The following CHRND variants were observed in gnomAD, a reference collection of about 807,000 sequenced individuals.
CHRND encodes the protein acetylcholine receptor subunit delta.
In CHRND, 40 loss-of-function variants were observed where a neutral mutation model predicts 57.8. The observed-to-expected ratio is 0.69, with a 90% CI of 0.54 to 0.90. The LOEUF is 0.90. Among genes scored for constraint, CHRND ranks in the 40% least tolerant of loss-of-function variants. CHRND has a pLI of 0.00. For missense variants in CHRND, 634 were observed against 673.9 expected (o/e 0.94, Z 0.66); for synonymous variants, 237 against 270.6 (o/e 0.88, Z 1.22).
chr2:232,526,695 G>A, intron 2 of CHRND, 21 bp downstream of exon 2: 2 of 1,612,136 alleles, frequency 1.2e-6, no homozygotes, highest in Non-Finnish European at 1.7e-6. Context: ...CTCCGGTGCT[G>A]GGTTGGGAGG....
At position 232,526,204 on chromosome 2, in the gene CHRND, C is replaced by T. The variant is rs990161041; in HGVS notation, c.-12C>T. 2 of 1,607,928 alleles carry T rather than the reference C, an allele frequency of 1.2e-6. No individual in the cohort carries two copies. The highest frequency in any genetic ancestry group is 1.7e-6 in the Non-Finnish European group (2 of 1,176,534). ...AGGAGGGGCAGATGCACGTCCCAGTCAGAGGGATGGGATGGAGGGGCCAGT... is the reference window on the plus strand; with the variant it reads ...AGGAGGGGCAGATGCACGTCCCAGTTAGAGGGATGGGATGGAGGGGCCAGT... On this transcript the variant is annotated 5_prime_UTR_variant, in exon 1 of 12. Transcript: ENST00000258385.
At chr2:232,528,678 C>T (rs369142209) in intron 5 of CHRND, 22 bp downstream of exon 5, 1 of 1,613,416 alleles carries the variant, frequency 6.2e-7, no homozygotes, top group Non-Finnish European at 8.5e-7. Context: ...TCTCCAGCCA[C>T]CCCTCACCCC....
chr2:232,531,775 C>G (rs1691708151), intron 9 of CHRND, 119 bp downstream of exon 9: 1 of 794,494 alleles, frequency 1.3e-6, no homozygotes, highest in Non-Finnish European at 2.1e-6. Context: ...ATAGAGACAC[C>G]CCTGTCTCTA....
chr2:232,529,896 C>T (rs763290546), intron 6 of CHRND, 43 bp from the exon 7 acceptor site: 2 of 1,605,986 alleles, frequency 1.2e-6, no homozygotes, highest in African/African-American at 1.3e-5. Context: ...GCCTAGCCCC[C>T]TTGGCCTGGC....
At chr2:232,531,864 T>C (rs1460283413) in intron 9 of CHRND, among the ~76,000 whole-genome samples, 2 of 146,436 alleles carry the variant, frequency 1.4e-5, no homozygotes, top group East Asian at 2.0e-4. Flanking sequence ...GGTGGATCAC[T>C]TGAGCCTGGG....
In CHRND at chr2:232,528,302, T is replaced by A. The variant is rs1691557570; in HGVS notation, c.284T>A (p.Phe95Tyr). 6.2e-7 allele frequency: 1 copy of A among 1,614,034 alleles called. No homozygotes were observed. Among genetic ancestry groups the A allele is most frequent in the South Asian group, 1.1e-5 (1 of 91,086 alleles). The change falls in exon 4 of 12, where the codon TTT (phenylalanine) becomes TAT (tyrosine). Residue 95 changes from phenylalanine (F) to tyrosine (Y), a missense_variant. By Grantham distance (22) the Phe-to-Tyr change is conservative. Transcript: ENST00000258385. ...DNRLKWNAEE[F>Y]GNISVLRLPP... ...CGGCTGAAGTGGAATGCTGAAGAAT[T>A]TGGAAACATCAGTGTCCTGCGCCTC... is the stretch of plus-strand genomic sequence containing the variant.
chr2:232,531,715 G>A, intron 9 of CHRND, 59 bp downstream of exon 9: 3 of 1,423,818 alleles, frequency 2.1e-6, no homozygotes, highest in Non-Finnish European at 2.9e-6. Context: ...TCAGGAGGCT[G>A]AGGCGGGAGA....
rs748794171 is a variant in CHRND at position 232,533,951 on chromosome 2, G to A, written c.1068G>A (p.Pro356=). Reference sequence around the variant, plus strand: ...CCCAGCTCTTCCTGGAGACCCTGCCGGAGCTCCTGCACATGTCCCGCCCAG... The same window carrying A: ...CCCAGCTCTTCCTGGAGACCCTGCCAGAGCTCCTGCACATGTCCCGCCCAG... ...GVKKLFLETL[P]ELLHMSRPAE... Residue 356 remains proline (P), a synonymous_variant, in exon 10 of 12, where the codon CCG becomes CCA. Transcript: ENST00000258385. 2.7e-5 allele frequency: 44 copies of A among 1,612,846 alleles called. No homozygotes were observed. Among genetic ancestry groups the A allele is most frequent in the South Asian group, 8.8e-5 (8 of 91,052 alleles).
At position 232,536,598 on chromosome 2, in the gene CHRND, A is replaced by T. The variant is rs1310983460; in HGVS notation, c.*1286A>T. On this transcript the variant is annotated 3_prime_UTR_variant, in exon 12 of 12. Transcript: ENST00000258385. ...AGTCCCTAAGCCAGAACCACCAGCT[A>T]AGTGACTCCTGGATTCCTGACCCCC... 1 of 379,784 alleles carries T rather than the reference A, an allele frequency of 2.6e-6. No homozygotes were observed. The highest frequency in any genetic ancestry group is 7.3e-5 in the East Asian group (1 of 13,688). The allele number at this position is 379,784 out of a possible 1,614,324, so 23.5% of individuals were successfully genotyped here. A position where few individuals can be genotyped will look rare whatever the true frequency, so the allele number is the denominator to read the frequency against.
rs770567115 is a variant in CHRND, at chr2:232,528,486, G to T, written c.354-15G>T. ...GTGGCCAGAGCTCACTATGGTTCTT[G>T]TCCCTGTCCCCCAGCAATGACGGCT... On this transcript the variant is annotated splice_polypyrimidine_tract_variant and intron_variant, in intron 4 of 11. Transcript: ENST00000258385. 3.1e-6 allele frequency: 5 copies of T among 1,613,946 alleles called. No homozygotes were observed. In the South Asian group the frequency reaches 3.3e-5, roughly 11 times the overall value.
At chr2:232,531,888 AG>A (rs1691713298) in intron 9 of CHRND, among the ~76,000 whole-genome samples, 2 of 137,672 alleles carry the variant, frequency 1.5e-5, no homozygotes, top group Non-Finnish European at 3.1e-5. Flanking sequence ...TCAAAGCTGC[AG>A]TGAGCTGTGA....
intron 7 of CHRND, 22 bp from the exon 8 acceptor site, chr2:232,531,330 C>A: frequency 6.4e-7 from 1 of 1,571,628 alleles, no homozygotes; most frequent in South Asian, 1.1e-5. Context: ...CCCAAGGTCA[C>A]AGCTAAGTCT....
intron 2 of CHRND, among the ~76,000 whole-genome samples, chr2:232,526,902 T>C (rs1467794226): frequency 6.6e-6 from 1 of 152,146 alleles, no homozygotes; most frequent in Non-Finnish European, 1.5e-5. Context: ...TGTGACACAC[T>C]TCAGAGGCCA....
intron 2 of CHRND, 78 bp downstream of exon 2, chr2:232,526,752 T>A: frequency 6.6e-7 from 1 of 1,521,344 alleles, no homozygotes; most frequent in Non-Finnish European, 9.1e-7. Context: ...TGGAGGAAGC[T>A]AGAAGCCCCC....
rs1407216489 is a variant in CHRND, at chr2:232,535,068, T to C, written c.1372-62T>C. The C allele has an allele frequency of 6.3e-6, 10 of 1,591,990 alleles. No homozygotes were observed. The Admixed American group carries it at 1.7e-4, about 27-fold the overall frequency. ...CTGCCTCCATGGCTGGGCCCCAGCT[T>C]GGGGGTGGGGCTTTGTGGCCTGAGG... On this transcript the variant is annotated intron_variant, in intron 11 of 11. Transcript: ENST00000258385.
Position 232,528,593 on chromosome 2 carries a change from C to T in CHRND, c.446C>T (p.Ser149Phe), listed in dbSNP as rs762904291. The T allele has an allele frequency of 5.0e-6, 8 of 1,614,198 alleles. No homozygotes were observed. The South Asian group carries it at 7.7e-5, about 16-fold the overall frequency. ...VYWLPPAIFR[S>F]SCPISVTYFP... ...TGGCTGCCACCTGCCATCTTCCGCTCCTCCTGCCCCATCTCTGTCACCTAT... is the reference window on the plus strand; with the variant it reads ...TGGCTGCCACCTGCCATCTTCCGCTTCTCCTGCCCCATCTCTGTCACCTAT... Residue 149 changes from serine (S) to phenylalanine (F), a missense_variant, in exon 5 of 12, where the codon TCC (serine) becomes TTC (phenylalanine). Transcript: ENST00000258385.
At chr2:232,533,430 C>T (rs1691776850) in intron 9 of CHRND, among the ~76,000 whole-genome samples, 1 of 152,200 alleles carries the variant, frequency 6.6e-6, no homozygotes, top group South Asian at 2.1e-4. Context: ...GGGTTCTGCT[C>T]CGCACCATGG....
intron 3 of CHRND, 31 bp from the exon 4 acceptor site, chr2:232,528,231 G>C (rs369705090): frequency 6.2e-7 from 1 of 1,600,348 alleles, no homozygotes; most frequent in Non-Finnish European, 8.6e-7. Context: ...TGGCTGCAGA[G>C]TGCACTGGTG....
chr2:232,528,432 T>G, intron 4 of CHRND, 61 bp downstream of exon 4: 1 of 1,613,710 alleles, frequency 6.2e-7, no homozygotes, highest in Non-Finnish European at 8.5e-7. Context: ...TTAAGCCTCC[T>G]CTGCCTCCCC....
Sources: gnomAD v4.1 joint callset for allele counts (sites outside exome capture counted in the v4.1 genomes callset) on GRCh38, gnomAD v4.1.1 for gene constraint, MANE v1.5 for transcripts, NCBI Gene and HGNC (gene_info 2026-07-23, HGNC 2026-07-21) for gene names.